The following IARS2 variants were observed in gnomAD, a reference collection of about 807,000 sequenced individuals.
IARS2 encodes isoleucyl-tRNA synthetase 2, mitochondrial, also known as isoleucine--tRNA ligase, mitochondrial.
Under a neutral mutation model 126.3 loss-of-function variants are expected in IARS2, and 56 were observed. The observed-to-expected ratio is 0.44, with a 90% CI of 0.36 to 0.55. IARS2 has a LOEUF of 0.55. IARS2 is among the 20% of genes least tolerant of loss of function. The pLI is 0.00. For synonymous variants in IARS2, 407 were observed against 441.1 expected, an observed-to-expected ratio of 0.92 and a Z score of 0.97; for missense variants, 1,127 against 1,245.9, an observed-to-expected ratio of 0.90 and a Z score of 1.44.
intron 15 of IARS2, among the ~76,000 whole-genome samples, chr1:220,135,812 A>T (rs199578736): frequency 0.087 from 11,460 of 132,176 alleles, 2,078 homozygotes; most frequent in South Asian, 0.18. Flanking sequence ...TTCATTTAAA[A>T]TTTTTTTTTT....
intron 3 of IARS2, among the ~76,000 whole-genome samples, chr1:220,101,114 AT>A (rs1316260186): frequency 2.0e-5 from 3 of 152,030 alleles, no homozygotes; most frequent in Non-Finnish European, 4.4e-5. Flanking sequence ...AACTGTGAAG[AT>A]TTTTTTACTT....
intron 13 of IARS2, 41 bp downstream of exon 13, chr1:220,125,380 C>G (rs200688940): frequency 8.2e-7 from 1 of 1,225,254 alleles, no homozygotes; most frequent in Admixed American, 1.8e-5. Context: ...GTATGTATTA[C>G]AGGACTTAAT....
chr1:220,121,077 G>T lies in IARS2; in HGVS notation c.1641-4160G>T, dbSNP rs192313771. On this transcript the variant is annotated intron_variant, in intron 12 of 22. Coordinates refer to ENST00000366922, the MANE Select transcript of IARS2 (RefSeq NM_018060.4). Reference sequence around the variant, plus strand: ...ATTGAACAAATTTTTCTTTTGTTCTGATTCATATACTTATGTAACAAGGAA... The same window carrying T: ...ATTGAACAAATTTTTCTTTTGTTCTTATTCATATACTTATGTAACAAGGAA... Among the ~76,000 whole-genome samples the T allele has an allele frequency of 4.0e-4, 61 of 152,094 alleles. 1 individual carries two copies. In the East Asian group the frequency reaches 9.1e-3, roughly 23 times the overall value.
In IARS2 at chr1:220,094,358, G is replaced by T. The variant is rs1039302177; in HGVS notation, c.142G>T (p.Ala48Ser). 4.3e-6 allele frequency: 7 copies of T among 1,613,012 alleles called. No individual in the cohort carries two copies. In the African/African-American group the frequency reaches 9.3e-5, roughly 22 times the overall value. ...GCTTCTGGTGCGGTCGGTCTCCGGG[G>T]CCAGTAACCACCAGCCGAACTCGAA... is the stretch of plus-strand genomic sequence containing the variant. ...KRLLVRSVSG[A>S]SNHQPNSNSG... The change falls in exon 1 of 23, where the codon GCC becomes TCC. Residue 48 changes from alanine (A) to serine (S), a missense_variant. Ala to Ser is a moderately conservative substitution (Grantham distance 99, BLOSUM62 1). Transcript: ENST00000366922.
chr1:220,141,735 C>T, intron 19 of IARS2, 68 bp from the exon 20 acceptor site: 1 of 1,488,232 alleles, frequency 6.7e-7, no homozygotes, highest in Non-Finnish European at 9.2e-7. Flanking sequence ...CAACCTGAGG[C>T]AGGTCCCATC....
chr1:220,134,703 T>C (rs1657336806), intron 15 of IARS2, 193 bp downstream of exon 15: 4 of 380,916 alleles, frequency 1.1e-5, no homozygotes, highest in Non-Finnish European at 1.9e-5. Context: ...ATCATAACTC[T>C]TTGAAGAAAA....
chr1:220,114,774 C>G (rs1032865797), intron 12 of IARS2, among the ~76,000 whole-genome samples: 1 of 151,994 alleles, frequency 6.6e-6, no homozygotes, highest in African/African-American at 2.4e-5. Context: ...AGCAGGGGAG[C>G]CTGAAATGTA....
At position 220,114,444 on chromosome 1, in the gene IARS2, A is replaced by G. The variant is rs145835908; in HGVS notation, c.1610A>G (p.His537Arg). The change falls in exon 12 of 23, where the codon CAT becomes CGT. Residue 537 changes from histidine (H) to arginine (R), a missense_variant. Physicochemically the swap from His to Arg is conservative, Grantham distance 29. Transcript: ENST00000366922. ...GGTGTTCCAATTCCTGTGTTTCATC[A>G]TAAGACCAAGGATGAATACTTGATC... ...VWGVPIPVFH[H>R]KTKDEYLINS... 13 of 1,613,884 alleles carry G rather than the reference A, an allele frequency of 8.1e-6. No individual in the cohort carries two copies. The highest frequency in any genetic ancestry group is 9.3e-6 in the Non-Finnish European group (11 of 1,179,896).
rs781117420 is a variant in IARS2, at chr1:220,106,080, A to G, written c.1236+20A>G. The G allele has an allele frequency of 6.5e-7, 1 of 1,544,286 alleles. No individual in the cohort carries two copies. Among genetic ancestry groups the G allele is most frequent in the African/African-American group, 1.4e-5 (1 of 72,618 alleles). The stretch of plus-strand genomic sequence containing the variant: ...CCCATGGTACTGTTCCTCTTTTATC[A>G]TTTTTAATTATTCATCTTAATAAAA... On this transcript the variant is annotated intron_variant, in intron 9 of 22. Coordinates refer to ENST00000366922, the MANE Select transcript of IARS2 (RefSeq NM_018060.4).
At chr1:220,108,103 C>T (rs966970083) in intron 10 of IARS2, among the ~76,000 whole-genome samples, 1 of 152,064 alleles carries the variant, frequency 6.6e-6, no homozygotes, top group Non-Finnish European at 1.5e-5. Context: ...CTCTGTTGCC[C>T]AGGCTGGAGT....
chr1:220,131,647 CAGCAATTTTTAT>C (rs1657269619), intron 14 of IARS2, among the ~76,000 whole-genome samples: 1 of 151,404 alleles, frequency 6.6e-6, no homozygotes, highest in Admixed American at 6.6e-5. Flanking sequence ...CCACTCTGCC[CAGCAATTTTTAT>C]ATTTTTAATA....
rs764486943 is a variant in IARS2 at position 220,094,206 on chromosome 1, G to T, written c.-11G>T. On this transcript the variant is annotated 5_prime_UTR_variant, in exon 1 of 23. Transcript: ENST00000366922. ...GGAGCGGAGGACCCCGCTCTCAGGG[G>T]TTGCCGGACCATGCGTTGGGGGCTG... 4 of 1,555,504 alleles carry T rather than the reference G, an allele frequency of 2.6e-6. No individual in the cohort carries two copies. Among genetic ancestry groups the T allele is most frequent in the Admixed American group, 1.9e-5 (1 of 52,468 alleles).
intron 22 of IARS2, 95 bp from the exon 23 acceptor site, chr1:220,147,398 A>G: frequency 1.7e-6 from 2 of 1,206,378 alleles, no homozygotes; most frequent in Non-Finnish European, 1.2e-6. Context: ...AAGGCAGGAC[A>G]AAAGACTGAA....
At chr1:220,113,259 A>G (rs1165042252) in intron 11 of IARS2, among the ~76,000 whole-genome samples, 3 of 152,132 alleles carry the variant, frequency 2.0e-5, no homozygotes, top group African/African-American at 7.2e-5. Flanking sequence ...CAATATTCAC[A>G]TTTCTTAGAC....
Position 220,143,112 on chromosome 1 carries a change from G to A in IARS2, c.2729G>A (p.Gly910Glu). ...EYKVITVIEP[G>E]LLFEIIEMLQ... ...AAGGTTATCACTGTGATAGAACCTG[G>A]ACTGCTTTTTGAGATAATAGAGGTA... Residue 910 changes from glycine (G) to glutamate (E), a missense_variant, in exon 21 of 23, where the codon GGA becomes GAA. Transcript: ENST00000366922. 1 of 1,613,656 alleles carries A rather than the reference G, an allele frequency of 6.2e-7. No homozygotes were observed. Among genetic ancestry groups the A allele is most frequent in the Non-Finnish European group, 8.5e-7 (1 of 1,179,710 alleles).
intron 12 of IARS2, among the ~76,000 whole-genome samples, chr1:220,119,092 T>C (rs1400489686): frequency 6.6e-6 from 1 of 152,160 alleles, no homozygotes; most frequent in Non-Finnish European, 1.5e-5. Context: ...AGCAGTCGTT[T>C]CTTTGTTGCT....
chr1:220,138,940 A>G, intron 17 of IARS2, 68 bp from the exon 18 acceptor site: 1 of 1,391,778 alleles, frequency 7.2e-7, no homozygotes, highest in Admixed American at 2.0e-5. Flanking sequence ...TAATAAAATA[A>G]CTTTTCAGTG....
rs1186000971 is a variant in IARS2, at chr1:220,146,517, CAAAA to C, written c.2896+883_2896+886del. Among the ~76,000 whole-genome samples, 3 of 62,070 alleles carry C rather than the reference CAAAA, an allele frequency of 4.8e-5. No homozygotes were observed. The East Asian group carries it at 1.7e-3, about 35-fold the overall frequency. The allele number at this position is 62,070 out of a possible 152,430, so 40.7% of individuals were successfully genotyped here. On this transcript the variant is annotated intron_variant, in intron 22 of 22. Coordinates refer to ENST00000366922, the MANE Select transcript of IARS2 (RefSeq NM_018060.4). Reference sequence around the variant, plus strand: ...TGGGCGACAGAGCGAGACTCCGTCTCAAAAAAAAAAAAAAAAAAAAAAGCAGGTA... The same window carrying C: ...TGGGCGACAGAGCGAGACTCCGTCTCAAAAAAAAAAAAAAAAAAGCAGGTA...
chr1:220,132,086 G>A (rs1343968621), intron 14 of IARS2, among the ~76,000 whole-genome samples: 5 of 152,112 alleles, frequency 3.3e-5, no homozygotes, highest in Admixed American at 3.3e-4. Flanking sequence ...ATGAGCTACC[G>A]CAAGTGGCCT....
Sources: allele counts gnomAD v4.1 joint callset (sites outside exome capture counted in the v4.1 genomes callset), GRCh38; gene constraint gnomAD v4.1.1; transcripts MANE v1.5; gene names NCBI Gene and HGNC (gene_info 2026-07-23, HGNC 2026-07-21).